The following TENM3 variants were observed in gnomAD, a reference collection of about 807,000 sequenced individuals.
The protein encoded by TENM3 is teneurin-3.
In TENM3, 63 loss-of-function variants were observed where a neutral mutation model predicts 255.1. That is an observed-to-expected ratio of 0.25 (90% CI 0.20 to 0.30). TENM3 has a LOEUF of 0.30. TENM3 is among the 10% of genes least tolerant of loss of function. TENM3 has a pLI of 1.00. For missense variants in TENM3, 2,929 were observed against 3,461.1 expected, an observed-to-expected ratio of 0.85 and a Z score of 3.86; for synonymous variants, 1,306 against 1,322.3, an observed-to-expected ratio of 0.99 and a Z score of 0.27.
chr4:181,675,842 T>G, the TENM3 span, among the ~76,000 whole-genome samples: 2 of 152,118 alleles, frequency 1.3e-5, no homozygotes, highest in Non-Finnish European at 2.9e-5. Context: ...TTAGTTTAGA[T>G]TCCATATTAA....
intron 3 of TENM3, among the ~76,000 whole-genome samples, chr4:182,563,916 G>A (rs551350208): frequency 6.6e-6 from 1 of 152,062 alleles, no homozygotes; most frequent in Non-Finnish European, 1.5e-5. Context: ...CTTCCTAAAG[G>A]TATCTCTTCC....
the TENM3 span, among the ~76,000 whole-genome samples, chr4:181,484,916 G>T: frequency 6.6e-6 from 1 of 152,120 alleles, no homozygotes; most frequent in Non-Finnish European, 1.5e-5. Context: ...AAAATTAAAA[G>T]TCAATGAGAT....
intron 1 of TENM3, among the ~76,000 whole-genome samples, chr4:182,276,327 C>A (rs1229866782): frequency 6.6e-6 from 1 of 152,214 alleles, no homozygotes; most frequent in Non-Finnish European, 1.5e-5. Context: ...TCAACTTAAA[C>A]GGTTATCAGG....
the TENM3 span, among the ~76,000 whole-genome samples, chr4:181,962,000 A>G: frequency 2.6e-5 from 4 of 152,210 alleles, no homozygotes; most frequent in African/African-American, 9.6e-5. Flanking sequence ...GAAAGAGAGA[A>G]AAAGGAGGCA....
intron 4 of TENM3, among the ~76,000 whole-genome samples, chr4:182,606,529 A>AT (rs1560993636): frequency 2.0e-5 from 3 of 150,980 alleles, no homozygotes; most frequent in Non-Finnish European, 4.4e-5. Flanking sequence ...GTCTCAAAAA[A>AT]AAAAAAAAAA....
chr4:181,917,307 T>A, the TENM3 span, among the ~76,000 whole-genome samples: 3 of 152,136 alleles, frequency 2.0e-5, no homozygotes, highest in South Asian at 4.1e-4. Context: ...GTAAAAGGGA[T>A]CGATAGAAAC....
the TENM3 span, among the ~76,000 whole-genome samples, chr4:181,889,575 C>T: frequency 6.6e-6 from 1 of 152,068 alleles, no homozygotes; most frequent in Non-Finnish European, 1.5e-5. Flanking sequence ...TCGTGGTAGT[C>T]GTGGTAGAGA....
At chr4:182,529,795 G>A (rs1739591340) in intron 3 of TENM3, among the ~76,000 whole-genome samples, 1 of 152,156 alleles carries the variant, frequency 6.6e-6, no homozygotes. Context: ...CAAAGTCATG[G>A]TTTACAGTGT....
chr4:182,679,910 CTA>C, intron 8 of TENM3, 34 bp downstream of exon 8: 1 of 1,547,706 alleles, frequency 6.5e-7, no homozygotes, highest in South Asian at 1.2e-5. Flanking sequence ...ATTTTCCAGG[CTA>C]TAGCCTAAAC....
chr4:182,322,290 T>A (rs1245805578), intron 1 of TENM3, among the ~76,000 whole-genome samples: 1 of 152,202 alleles, frequency 6.6e-6, no homozygotes, highest in African/African-American at 2.4e-5. Flanking sequence ...GCAACTACTT[T>A]GAACAGCTCA....
chr4:182,140,976 G>T (rs1054368148), upstream of TENM3, among the ~76,000 whole-genome samples: 1 of 147,706 alleles, frequency 6.8e-6, no homozygotes, highest in African/African-American at 2.5e-5. Context: ...CAGAGGTTCG[G>T]CCCATTATAT....
the TENM3 span, among the ~76,000 whole-genome samples, chr4:181,554,898 G>A: frequency 1.3e-5 from 2 of 152,122 alleles, no homozygotes; most frequent in Non-Finnish European, 2.9e-5. Flanking sequence ...GCCATCTATT[G>A]TAACATCAGT....
chr4:181,937,932 T>G, the TENM3 span, among the ~76,000 whole-genome samples: 1 of 152,294 alleles, frequency 6.6e-6, no homozygotes, highest in Non-Finnish European at 1.5e-5. Flanking sequence ...AAGAGATGCC[T>G]CTGAATTAGC....
intron 3 of TENM3, among the ~76,000 whole-genome samples, chr4:182,553,162 C>T (rs1408454821): frequency 1.3e-5 from 2 of 152,104 alleles, no homozygotes; most frequent in Admixed American, 1.3e-4. Flanking sequence ...CAGGTGTGAT[C>T]GTGCACACTG....
At chr4:181,844,837 A>G in the TENM3 span, among the ~76,000 whole-genome samples, 1 of 152,182 alleles carries the variant, frequency 6.6e-6, no homozygotes, top group African/African-American at 2.4e-5. Context: ...TAGCTTGTCC[A>G]TAAAAACGCA....
At chr4:181,895,643 C>T in the TENM3 span, among the ~76,000 whole-genome samples, 1 of 144,386 alleles carries the variant, frequency 6.9e-6, no homozygotes, top group Non-Finnish European at 1.5e-5. Context: ...CTCCTAGGCT[C>T]AAGCAATCCT....
chr4:182,577,048 C>T (rs1193692119), intron 3 of TENM3, among the ~76,000 whole-genome samples: 4 of 152,318 alleles, frequency 2.6e-5, no homozygotes, highest in South Asian at 2.1e-4. Context: ...ACGGCAGCTT[C>T]GTGCTCCCTC....
intron 3 of TENM3, among the ~76,000 whole-genome samples, chr4:182,389,753 T>C (rs1975807): frequency 0.9 from 132,994 of 147,094 alleles, 61,482 homozygotes; most frequent in Non-Finnish European, 1. Flanking sequence ...TGGCGCGATC[T>C]CGGCTCACTG....
chr4:181,489,583 C>T, the TENM3 span, among the ~76,000 whole-genome samples: 3 of 152,152 alleles, frequency 2.0e-5, no homozygotes, highest in South Asian at 6.2e-4. Context: ...AGAAGTTGTA[C>T]AAAATATTTG....
Sources: gnomAD v4.1 joint callset for allele counts (sites outside exome capture counted in the v4.1 genomes callset) on GRCh38, gnomAD v4.1.1 for gene constraint, MANE v1.5 for transcripts, NCBI Gene and HGNC (gene_info 2026-07-23, HGNC 2026-07-21) for gene names.